Variants in RABGAP1L observed in about 807,000 individuals in gnomAD.
RABGAP1L encodes the protein RAB GTPase activating protein 1 like.
Under a neutral mutation model 137.7 loss-of-function variants are expected in RABGAP1L, and 63 were observed. The ratio of observed to expected loss-of-function variants is 0.46; its 90% CI spans 0.37 to 0.56. The LOEUF is 0.56. RABGAP1L is among the 20% of genes least tolerant of loss of function. RABGAP1L has a pLI of 0.00. For missense variants in RABGAP1L, 1,095 were observed against 1,244.0 expected (o/e 0.88, Z 1.80); for synonymous variants, 431 against 433.7 (o/e 0.99, Z 0.08).
At chr1:174,946,790 A>G (rs4565668) in intron 19 of RABGAP1L, among the ~76,000 whole-genome samples, 11,281 of 148,718 alleles carry the variant, frequency 0.076, 593 homozygotes, top group East Asian at 0.31. Flanking sequence ...AATCCCAGTT[A>G]CTCGGGAGGC....
intron 19 of RABGAP1L, among the ~76,000 whole-genome samples, chr1:174,843,731 G>T (rs1272201224): frequency 1.1e-5 from 1 of 89,562 alleles, no homozygotes; most frequent in Admixed American, 1.4e-4. Context: ...ATAGTCATTT[G>T]GGTATATACC....
intron 14 of RABGAP1L, among the ~76,000 whole-genome samples, chr1:174,680,942 A>G (rs980564938): frequency 8.5e-5 from 13 of 152,320 alleles, no homozygotes; most frequent in African/African-American, 2.9e-4. Flanking sequence ...AACTTGAACA[A>G]TCACAAAAGA....
intron 4 of RABGAP1L, among the ~76,000 whole-genome samples, chr1:174,231,736 T>C (rs1432186913): frequency 2.0e-5 from 3 of 152,022 alleles, no homozygotes; most frequent in Non-Finnish European, 4.4e-5. Context: ...CAGAATTGTC[T>C]TACGTGGCAG....
intron 19 of RABGAP1L, among the ~76,000 whole-genome samples, chr1:174,940,441 T>G (rs1417213774): frequency 2.0e-5 from 3 of 151,166 alleles, no homozygotes; most frequent in Non-Finnish European, 3.0e-5. Context: ...CCTGGCTAAT[T>G]TTTTTTTAAA....
chr1:174,557,580 C>T (rs537641589), intron 13 of RABGAP1L, among the ~76,000 whole-genome samples: 17 of 152,280 alleles, frequency 1.1e-4, no homozygotes, highest in Admixed American at 9.8e-4. Flanking sequence ...GAGACTGTAC[C>T]TGAATTATAT....
At chr1:174,700,058 A>G (rs1679533969) in intron 16 of RABGAP1L, among the ~76,000 whole-genome samples, 1 of 152,228 alleles carries the variant, frequency 6.6e-6, no homozygotes, top group Admixed American at 6.5e-5. Context: ...AAAGATATTC[A>G]TAAGAGAATA....
chr1:174,550,272 A>G (rs1464482405), intron 13 of RABGAP1L, among the ~76,000 whole-genome samples: 1 of 152,162 alleles, frequency 6.6e-6, no homozygotes, highest in Non-Finnish European at 1.5e-5. Context: ...CATTCAAGAA[A>G]GGAAAGGACT....
At chr1:174,614,261 A>G (rs1202914466) in intron 13 of RABGAP1L, among the ~76,000 whole-genome samples, 1 of 152,196 alleles carries the variant, frequency 6.6e-6, no homozygotes. Flanking sequence ...TGGTGGTGAC[A>G]AAATCTCTCA....
intron 17 of RABGAP1L, among the ~76,000 whole-genome samples, chr1:174,706,579 TATA>T (rs1259380439): frequency 6.6e-6 from 1 of 152,240 alleles, no homozygotes; most frequent in Admixed American, 6.5e-5. Context: ...TTTATTGAAG[TATA>T]ATAACAGATA....
intron 19 of RABGAP1L, among the ~76,000 whole-genome samples, chr1:174,846,356 G>T (rs1290938507): frequency 6.6e-6 from 1 of 150,922 alleles, no homozygotes; most frequent in Non-Finnish European, 1.5e-5. Flanking sequence ...TTTCTCTTGT[G>T]GGCATTTAGT....
intron 3 of RABGAP1L, 64 bp from the exon 4 acceptor site, chr1:174,231,081 C>T (rs1460462898): frequency 8.0e-7 from 1 of 1,243,154 alleles, no homozygotes; most frequent in East Asian, 2.3e-5. Flanking sequence ...TGGGCATTGG[C>T]AAGATTATAA....
chr1:174,302,694 TAA>T (rs1677835204), intron 10 of RABGAP1L, among the ~76,000 whole-genome samples: 2 of 152,216 alleles, frequency 1.3e-5, no homozygotes, highest in African/African-American at 4.8e-5. Context: ...TACAGGGAAG[TAA>T]GCTACTTTTT....
In RABGAP1L at chr1:174,180,972, C is replaced by G. The variant is rs535813207; in HGVS notation, c.-34+21315C>G. 1.2e-4 allele frequency among the ~76,000 whole-genome samples: 19 copies of G among 152,264 alleles called. No individual in the cohort carries two copies. In the South Asian group the frequency reaches 2.9e-3, roughly 23 times the overall value. On this transcript the variant is annotated intron_variant, in intron 1 of 25. Coordinates refer to ENST00000681986, the MANE Select transcript of RABGAP1L (RefSeq NM_001366446.1). ...ATCAATATGTGAAGTGGGCACTTCT[C>G]TTACATTTAATTCACAGACGAGAAA...
intron 12 of RABGAP1L, among the ~76,000 whole-genome samples, chr1:174,391,909 C>T (rs775316337): frequency 2.4e-4 from 36 of 152,100 alleles, no homozygotes; most frequent in Non-Finnish European, 2.5e-4. Context: ...ACCCTTAACC[C>T]ATATGTTTTT....
chr1:174,782,306 G>T (rs1012757159), intron 18 of RABGAP1L, among the ~76,000 whole-genome samples: 1 of 152,058 alleles, frequency 6.6e-6, no homozygotes, highest in African/African-American at 2.4e-5. Flanking sequence ...GGATTCCTAG[G>T]TATTTTATTC....
chr1:174,735,554 G>A (rs771068675), intron 17 of RABGAP1L, among the ~76,000 whole-genome samples: 4 of 131,104 alleles, frequency 3.1e-5, no homozygotes, highest in Non-Finnish European at 6.2e-5. Flanking sequence ...AGAGGTTGCA[G>A]TGAGCTGAGA....
intron 11 of RABGAP1L, among the ~76,000 whole-genome samples, chr1:174,356,709 A>T (rs1683667039): frequency 6.6e-6 from 1 of 152,122 alleles, no homozygotes; most frequent in Non-Finnish European, 1.5e-5. Flanking sequence ...GGTGTTGCAC[A>T]ATTAGCTACT....
intron 1 of RABGAP1L, among the ~76,000 whole-genome samples, chr1:174,180,813 T>A (rs1295490061): frequency 5.9e-5 from 9 of 152,200 alleles, no homozygotes; most frequent in Non-Finnish European, 8.8e-5. Flanking sequence ...AGCCTCTGAA[T>A]AATATATATT....
chr1:174,406,555 AC>A (rs1649304930), intron 13 of RABGAP1L, among the ~76,000 whole-genome samples: 1 of 152,206 alleles, frequency 6.6e-6, no homozygotes, highest in African/African-American at 2.4e-5. Flanking sequence ...ACTAGATTTC[AC>A]TGAGAGTCAG....
Sources: allele counts gnomAD v4.1 joint callset (sites outside exome capture counted in the v4.1 genomes callset), GRCh38; gene constraint gnomAD v4.1.1; transcripts MANE v1.5; gene names NCBI Gene and HGNC (gene_info 2026-07-23, HGNC 2026-07-21).